The following ZSWIM5 variants were observed in gnomAD, a reference collection of about 807,000 sequenced individuals.
ZSWIM5 encodes the protein zinc finger SWIM-type containing 5, also known as zinc finger SWIM domain-containing protein 5.
Under a neutral mutation model 119.6 loss-of-function variants are expected in ZSWIM5, and 55 were observed. The observed-to-expected ratio is 0.46, with a 90% CI of 0.37 to 0.58. ZSWIM5 has a LOEUF of 0.58. Ranked by LOEUF, ZSWIM5 falls within the 20% of genes least tolerant of loss-of-function variation. The pLI is 0.00. For missense variants in ZSWIM5, 1,193 were observed against 1,512.8 expected, an observed-to-expected ratio of 0.79 and a Z score of 3.51; for synonymous variants, 537 against 606.9, an observed-to-expected ratio of 0.88 and a Z score of 1.69.
At chr1:45,116,984 C>G (rs1382088937) in intron 1 of ZSWIM5, among the ~76,000 whole-genome samples, 6 of 152,126 alleles carry the variant, frequency 3.9e-5, no homozygotes, top group Non-Finnish European at 8.8e-5. Context: ...CACACGTAGT[C>G]AAAACATTTT....
intron 1 of ZSWIM5, among the ~76,000 whole-genome samples, chr1:45,114,077 G>A (rs2149024486): frequency 6.6e-6 from 1 of 152,296 alleles, no homozygotes; most frequent in South Asian, 2.1e-4. Context: ...TTTGAGCAGT[G>A]ACAATACATA....
Position 45,039,293 on chromosome 1 carries a change from G to A in ZSWIM5, c.1757-220C>T, listed in dbSNP as rs966919046. Among the ~76,000 whole-genome samples the A allele has an allele frequency of 9.9e-5, 15 of 152,172 alleles. No homozygotes were observed. The South Asian group carries it at 1.7e-3, about 17-fold the overall frequency. The stretch of plus-strand genomic sequence containing the variant: ...GGTTGCCTGCTGGTAGTGCATACGT[G>A]GATAGAGCTTTACAGGTTTTTGTTT... On this transcript the variant is annotated intron_variant, in intron 7 of 13. Transcript: ENST00000359600.
At chr1:45,125,951 CT>C (rs1468923111) in intron 1 of ZSWIM5, among the ~76,000 whole-genome samples, 2 of 151,938 alleles carry the variant, frequency 1.3e-5, no homozygotes, top group Non-Finnish European at 2.9e-5. Context: ...GCTTGCACCC[CT>C]AGCTACTCTG....
intron 1 of ZSWIM5, among the ~76,000 whole-genome samples, chr1:45,120,927 CCTCTG>C (rs1018632059): frequency 6.6e-6 from 1 of 152,080 alleles, no homozygotes; most frequent in African/African-American, 2.4e-5. Context: ...AATTCTTCCA[CCTCTG>C]CTCTGGATCC....
intron 2 of ZSWIM5, among the ~76,000 whole-genome samples, chr1:45,079,911 T>C (rs1329356728): frequency 1.3e-5 from 2 of 151,958 alleles, no homozygotes; most frequent in Admixed American, 1.3e-4. Flanking sequence ...TGTCAAGAAA[T>C]GTAGTACAGG....
At chr1:45,082,898 C>T (rs976172210) in intron 2 of ZSWIM5, among the ~76,000 whole-genome samples, 2 of 152,056 alleles carry the variant, frequency 1.3e-5, no homozygotes, top group African/African-American at 4.8e-5. Context: ...AGGTCCTGAA[C>T]CAAGGCAGCC....
intron 1 of ZSWIM5, among the ~76,000 whole-genome samples, chr1:45,092,636 C>T (rs1645375544): frequency 7.0e-6 from 1 of 142,758 alleles, no homozygotes; most frequent in Admixed American, 7.8e-5. Flanking sequence ...TTTGACTAGG[C>T]TATGGTACCC....
At chr1:45,156,556 G>A (rs896202200) in intron 1 of ZSWIM5, among the ~76,000 whole-genome samples, 1 of 151,974 alleles carries the variant, frequency 6.6e-6, no homozygotes, top group Admixed American at 6.6e-5. Context: ...CAAGACAGGG[G>A]ACTCTGGAGG....
At chr1:45,087,406 A>C (rs750331378) in intron 2 of ZSWIM5, among the ~76,000 whole-genome samples, 1 of 152,238 alleles carries the variant, frequency 6.6e-6, no homozygotes, top group Non-Finnish European at 1.5e-5. Flanking sequence ...CTCTTTCTCC[A>C]TTAATGCACC....
chr1:45,020,296 C>T, intron 12 of ZSWIM5, 149 bp from the exon 13 acceptor site: 1 of 699,210 alleles, frequency 1.4e-6, no homozygotes, highest in South Asian at 1.8e-5. Flanking sequence ...AATTTCTTTC[C>T]CAGCCCTCCC....
chr1:45,097,744 C>A (rs1645411966), intron 1 of ZSWIM5, among the ~76,000 whole-genome samples: 1 of 152,090 alleles, frequency 6.6e-6, no homozygotes. Context: ...CTCTGTCACC[C>A]AGGCTGGAGT....
chr1:45,166,944 C>G (rs1196103695), intron 1 of ZSWIM5, among the ~76,000 whole-genome samples: 7 of 152,114 alleles, frequency 4.6e-5, no homozygotes, highest in Non-Finnish European at 5.9e-5. Context: ...CTACCAATGA[C>G]TTTCTTCACA....
chr1:45,058,479 T>C (rs1343132176), intron 4 of ZSWIM5, 130 bp downstream of exon 4: 5 of 1,183,480 alleles, frequency 4.2e-6, no homozygotes, highest in Non-Finnish European at 4.7e-6. Context: ...GTGGCCTCTG[T>C]AGAACCTAAG....
intron 1 of ZSWIM5, among the ~76,000 whole-genome samples, chr1:45,192,413 A>C (rs929191030): frequency 6.6e-6 from 1 of 152,234 alleles, no homozygotes; most frequent in African/African-American, 2.4e-5. Flanking sequence ...TTCACTTAGC[A>C]TAATCTTTAA....
intron 4 of ZSWIM5, among the ~76,000 whole-genome samples, chr1:45,054,166 T>C (rs575171453): frequency 3.5e-4 from 54 of 152,130 alleles, no homozygotes; most frequent in African/African-American, 1.2e-3. Flanking sequence ...TAATCCCAGC[T>C]ACTTGGGAGG....
intron 1 of ZSWIM5, among the ~76,000 whole-genome samples, chr1:45,104,029 A>C (rs1275991941): frequency 1.3e-5 from 2 of 152,206 alleles, no homozygotes. Flanking sequence ...AAGGATATGC[A>C]AATATATAAA....
intron 1 of ZSWIM5, among the ~76,000 whole-genome samples, chr1:45,133,363 A>G (rs1439532887): frequency 6.6e-6 from 1 of 152,218 alleles, no homozygotes; most frequent in Non-Finnish European, 1.5e-5. Flanking sequence ...TCTGATGGCC[A>G]GTGATGATGA....
chr1:45,124,666 T>C lies in ZSWIM5; in HGVS notation c.596-36429A>G, dbSNP rs1295035016. ...ATATACCAACTAAAAGACAAGAGATTGGTAGAGCAGATATTTTAAAAACAT... is the reference window on the plus strand; with the variant it reads ...ATATACCAACTAAAAGACAAGAGATCGGTAGAGCAGATATTTTAAAAACAT... On this transcript the variant is annotated intron_variant, in intron 1 of 13. Transcript: ENST00000359600. Among the ~76,000 whole-genome samples, 3 of 152,176 alleles carry C rather than the reference T, an allele frequency of 2.0e-5. No individual in the cohort carries two copies. In the East Asian group the frequency reaches 5.8e-4, roughly 29 times the overall value.
At chr1:45,185,414 C>T (rs1451478671) in intron 1 of ZSWIM5, among the ~76,000 whole-genome samples, 3 of 151,330 alleles carry the variant, frequency 2.0e-5, no homozygotes, top group Admixed American at 6.6e-5. Context: ...TCTAATTAAA[C>T]GAAAGAGCTT....
Sources: allele counts gnomAD v4.1 joint callset (sites outside exome capture counted in the v4.1 genomes callset), GRCh38; gene constraint gnomAD v4.1.1; transcripts MANE v1.5; gene names NCBI Gene and HGNC (gene_info 2026-07-23, HGNC 2026-07-21).